Variants in CA10 observed in about 807,000 individuals in gnomAD.
The protein encoded by CA10 is carbonic anhydrase 10 (inactive), also known as carbonic anhydrase-related protein 10.
A neutral mutation model predicts 44.2 loss-of-function variants in CA10; 14 were observed. The ratio of observed to expected loss-of-function variants is 0.32; its 90% CI spans 0.21 to 0.50. CA10 has a LOEUF of 0.50. Ranked by LOEUF, CA10 falls within the 20% of genes least tolerant of loss-of-function variation. The probability of loss-of-function intolerance (pLI) is 0.99; values close to 1 mark genes in which losing one functional copy is unlikely to be tolerated. For synonymous variants in CA10, 159 were observed against 141.6 expected, an observed-to-expected ratio of 1.12 and a Z score of -0.87; for missense variants, 350 against 409.7, an observed-to-expected ratio of 0.85 and a Z score of 1.26.
chr17:51,631,586 A>T lies in CA10; in HGVS notation c.985T>A (p.Ter329LysextTer11). Residue 329 changes from the stop codon to lysine (K), a stop_lost, in exon 9 of 9, where the codon TAG becomes AAG. Coordinates refer to ENST00000451037, the MANE Select transcript of CA10 (RefSeq NM_020178.5). ...GGGATTCTTCTTGGCTTTGTTCCCT[A>T]CTTGAGGAGCCATTCATTTACTGCA... ...QYRVNEWLLK* is the reference protein window; with the variant it reads ...QYRVNEWLLKK 1 of 1,613,088 alleles carries T rather than the reference A, an allele frequency of 6.2e-7. No individual in the cohort carries two copies. Among genetic ancestry groups the T allele is most frequent in the Non-Finnish European group, 8.5e-7 (1 of 1,179,180 alleles).
At chr17:51,801,830 G>C (rs1472454674) in intron 3 of CA10, among the ~76,000 whole-genome samples, 2 of 152,188 alleles carry the variant, frequency 1.3e-5, no homozygotes, top group Non-Finnish European at 2.9e-5. Flanking sequence ...ATCATGGTGC[G>C]TAAGTTGTGT....
chr17:52,100,808 C>T (rs1221509879), intron 1 of CA10, among the ~76,000 whole-genome samples: 2 of 152,140 alleles, frequency 1.3e-5, no homozygotes, highest in South Asian at 2.1e-4. Flanking sequence ...CACCCACCAT[C>T]GATCTTGCCC....
intron 4 of CA10, among the ~76,000 whole-genome samples, chr17:51,677,269 A>T (rs1008994994): frequency 1.3e-5 from 2 of 152,176 alleles, no homozygotes; most frequent in African/African-American, 2.4e-5. Context: ...TTACTGGATC[A>T]TGTGGGCGGA....
intron 1 of CA10, among the ~76,000 whole-genome samples, chr17:52,105,291 G>A (rs1988634877): frequency 2.0e-5 from 3 of 150,692 alleles, no homozygotes; most frequent in African/African-American, 7.4e-5. Flanking sequence ...TCTTGGCTCT[G>A]TCGCCCAGGC....
intron 4 of CA10, among the ~76,000 whole-genome samples, chr17:51,732,999 T>C (rs1916773476): frequency 6.6e-6 from 1 of 152,176 alleles, no homozygotes; most frequent in Non-Finnish European, 1.5e-5. Flanking sequence ...CCTTGAGTTC[T>C]ATGACATATC....
chr17:51,868,568 T>C (rs9894344), intron 3 of CA10, among the ~76,000 whole-genome samples: 3,526 of 152,332 alleles, frequency 0.023, 59 homozygotes, highest in Middle Eastern at 0.048. Flanking sequence ...CCTGATCTTC[T>C]GGCCTCCCTT....
At chr17:51,778,547 G>T (rs2143671596) in intron 3 of CA10, among the ~76,000 whole-genome samples, 1 of 152,354 alleles carries the variant, frequency 6.6e-6, no homozygotes, top group South Asian at 2.1e-4. Context: ...CATTAACTTA[G>T]ATGGGATTGC....
chr17:51,716,852 T>C (rs902266924), intron 4 of CA10, among the ~76,000 whole-genome samples: 2 of 152,186 alleles, frequency 1.3e-5, no homozygotes, highest in African/African-American at 4.8e-5. Flanking sequence ...AAGCCCAAGG[T>C]TGGTCAAGGT....
At chr17:51,636,775 T>TGTGTGTG (rs1555577669) in intron 6 of CA10, among the ~76,000 whole-genome samples, 2,342 of 146,606 alleles carry the variant, frequency 0.016, 34 homozygotes, top group African/African-American at 0.032. Flanking sequence ...ACTGATTATT[T>TGTGTGTG]TGTGTGTGTG....
At chr17:51,729,649 T>C in intron 4 of CA10, among the ~76,000 whole-genome samples, 1 of 152,170 alleles carries the variant, frequency 6.6e-6, no homozygotes. Context: ...TTTCAGGTAT[T>C]AGCAAATTCT....
Position 52,097,637 on chromosome 17 carries a change from T to TATTC in CA10, c.62-25248_62-25245dup, listed in dbSNP as rs559382252. On this transcript the variant is annotated intron_variant, in intron 1 of 8. Transcript: ENST00000451037. The stretch of plus-strand genomic sequence containing the variant: ...TTACATATCCATTTGTTCATTGACT[T>TATTC]ATTCATTCATTCATTCACATACTTA... Among the ~76,000 whole-genome samples, 6 of 152,288 alleles carry TATTC rather than the reference T, an allele frequency of 3.9e-5. 1 individual carries two copies. The South Asian group carries it at 1.0e-3, about 26-fold the overall frequency.
At chr17:52,089,942 G>C (rs567838754) in intron 1 of CA10, among the ~76,000 whole-genome samples, 102 of 152,160 alleles carry the variant, frequency 6.7e-4, no homozygotes, top group African/African-American at 2.4e-3. Flanking sequence ...AACAAATATG[G>C]CAAAATGTTA....
intron 3 of CA10, among the ~76,000 whole-genome samples, chr17:51,751,386 T>C (rs1304790672): frequency 2.0e-5 from 3 of 152,240 alleles, no homozygotes; most frequent in Non-Finnish European, 4.4e-5. Flanking sequence ...CTTAACACCA[T>C]TGAATTGTAC....
chr17:51,946,823 T>C (rs1266508672), intron 2 of CA10, among the ~76,000 whole-genome samples: 1 of 152,172 alleles, frequency 6.6e-6, no homozygotes, highest in African/African-American at 2.4e-5. Flanking sequence ...TTGTAGCTTA[T>C]AGTATGATAA....
chr17:51,892,183 G>A (rs555959992), intron 3 of CA10, among the ~76,000 whole-genome samples: 4 of 152,278 alleles, frequency 2.6e-5, no homozygotes, highest in South Asian at 2.1e-4. Flanking sequence ...ATGAAGTGCC[G>A]GATTCATGGT....
chr17:52,137,235 T>G (rs1352985505), intron 1 of CA10, among the ~76,000 whole-genome samples: 1 of 152,092 alleles, frequency 6.6e-6, no homozygotes, highest in Non-Finnish European at 1.5e-5. Context: ...ATGAATTTGG[T>G]CATATTTCCT....
At chr17:52,023,440 A>G (rs970920666) in intron 2 of CA10, among the ~76,000 whole-genome samples, 18 of 152,080 alleles carry the variant, frequency 1.2e-4, no homozygotes, top group Admixed American at 4.6e-4. Flanking sequence ...CTAAACCTCT[A>G]TCTTTCACTG....
chr17:51,786,236 G>GTA, intron 3 of CA10, among the ~76,000 whole-genome samples: 1 of 151,716 alleles, frequency 6.6e-6, no homozygotes, highest in East Asian at 1.9e-4. Context: ...GTGTGTGTGT[G>GTA]TGTGGTCTTT....
Position 52,047,208 on chromosome 17 carries a change from A to G in CA10, c.136+25111T>C, listed in dbSNP as rs149393529. 7.4e-4 allele frequency among the ~76,000 whole-genome samples: 112 copies of G among 152,158 alleles called. 5 individuals are homozygous for G. The East Asian group carries it at 0.02, about 27-fold the overall frequency. ...AAAAGCACCATGCTAAGGGAAAGAA[A>G]TGCTACAAAAGATTATATGCATATG... On this transcript the variant is annotated intron_variant, in intron 2 of 8. Coordinates refer to ENST00000451037, the MANE Select transcript of CA10 (RefSeq NM_020178.5).
Sources: gnomAD v4.1 joint callset for allele counts (sites outside exome capture counted in the v4.1 genomes callset) on GRCh38, gnomAD v4.1.1 for gene constraint, MANE v1.5 for transcripts, NCBI Gene and HGNC (gene_info 2026-07-23, HGNC 2026-07-21) for gene names.